The following KIAA1671 variants were observed in gnomAD, a reference collection of about 807,000 sequenced individuals.
The protein encoded by KIAA1671 is uncharacterized protein KIAA1671.
A neutral mutation model predicts 131.2 loss-of-function variants in KIAA1671; 52 were observed. That is an observed-to-expected ratio of 0.40 (90% CI 0.32 to 0.50). KIAA1671 has a LOEUF of 0.50. KIAA1671 is among the 20% of genes least tolerant of loss of function. The pLI, the probability that KIAA1671 is intolerant of heterozygous loss-of-function variation, is 0.73. For synonymous variants in KIAA1671, 1,003 were observed against 961.6 expected (o/e 1.04, Z -0.80); for missense variants, 2,360 against 2,364.2 (o/e 1.00, Z 0.04).
chr22:24,990,050 T>C (rs77216739), intron 1 of KIAA1671, among the ~76,000 whole-genome samples: 69 of 152,256 alleles, frequency 4.5e-4, no homozygotes, highest in African/African-American at 1.6e-3. Flanking sequence ...CCCATCATCA[T>C]TGGGGAAGCA....
intron 6 of KIAA1671, among the ~76,000 whole-genome samples, chr22:25,124,710 T>C (rs1279370908): frequency 3.9e-5 from 6 of 152,118 alleles, no homozygotes; most frequent in Non-Finnish European, 8.8e-5. Flanking sequence ...CAGATTAGAG[T>C]ATGCTATGCT....
chr22:25,006,694 T>G (rs1024182715), intron 1 of KIAA1671, among the ~76,000 whole-genome samples: 35 of 152,220 alleles, frequency 2.3e-4, no homozygotes, highest in Non-Finnish European at 7.3e-5. Flanking sequence ...AGTGTGTCCC[T>G]TCTGAGGCTC....
intron 1 of KIAA1671, among the ~76,000 whole-genome samples, chr22:24,991,623 ATTTT>A (rs34846801): frequency 7.8e-6 from 1 of 128,886 alleles, no homozygotes. Context: ...CGCCCGGCTA[ATTTT>A]TTTTTTTTTT....
chr22:25,159,090 C>G (rs1018472411), intron 6 of KIAA1671, among the ~76,000 whole-genome samples: 1 of 152,112 alleles, frequency 6.6e-6, no homozygotes, highest in South Asian at 2.1e-4. Context: ...GGAACCCTGC[C>G]TCTGAGGCCG....
At chr22:24,973,389 GTTTTTTT>G (rs57519039) in intron 1 of KIAA1671, among the ~76,000 whole-genome samples, 64 of 71,674 alleles carry the variant, frequency 8.9e-4, no homozygotes, top group Middle Eastern at 0.014. Context: ...GCATATGATG[GTTTTTTT>G]TTTTTTTTTT....
At chr22:25,163,999 A>C (rs1933553205) in intron 6 of KIAA1671, among the ~76,000 whole-genome samples, 1 of 152,154 alleles carries the variant, frequency 6.6e-6, no homozygotes, top group South Asian at 2.1e-4. Context: ...TAGGGGGTAC[A>C]TGTTACCCTG....
At chr22:25,172,946 A>G (rs534208621) in intron 7 of KIAA1671, among the ~76,000 whole-genome samples, 1 of 152,266 alleles carries the variant, frequency 6.6e-6, no homozygotes, top group Admixed American at 6.5e-5. Flanking sequence ...GAGGCCAATT[A>G]TATTAGTCTG....
chr22:24,992,612 C>T (rs1296441372), intron 1 of KIAA1671, among the ~76,000 whole-genome samples: 1 of 151,784 alleles, frequency 6.6e-6, no homozygotes, highest in Non-Finnish European at 1.5e-5. Context: ...GTCAGGAGTT[C>T]GAGACCAGCT....
chr22:25,095,727 GC>G (rs368563596), intron 6 of KIAA1671, among the ~76,000 whole-genome samples: 1 of 152,122 alleles, frequency 6.6e-6, no homozygotes, highest in African/African-American at 2.4e-5. Flanking sequence ...TGACTGCTAA[GC>G]CCCCCTAGAT....
At chr22:24,965,039 G>A (rs1051187872) in intron 1 of KIAA1671, among the ~76,000 whole-genome samples, 3 of 151,432 alleles carry the variant, frequency 2.0e-5, no homozygotes, top group African/African-American at 7.3e-5. Flanking sequence ...TTTCTTCCAT[G>A]AGGTCATTGT....
At chr22:24,972,409 C>A (rs1048512532) in intron 1 of KIAA1671, among the ~76,000 whole-genome samples, 1 of 152,180 alleles carries the variant, frequency 6.6e-6, no homozygotes, top group Non-Finnish European at 1.5e-5. Flanking sequence ...ATCCATTCCT[C>A]CATTTTGTAT....
At chr22:25,024,098 A>AG (rs1925811031) in intron 1 of KIAA1671, 1 of 152,252 alleles carries the variant, frequency 6.6e-6, no homozygotes, top group Non-Finnish European at 1.5e-5. Context: ...GATACAAAGC[A>AG]GATGACGGGT....
chr22:25,112,019 T>G, intron 6 of KIAA1671: 1 of 393,020 alleles, frequency 2.5e-6, no homozygotes, highest in Non-Finnish European at 4.5e-6. Flanking sequence ...TACTTACCCT[T>G]GGTTTGCCTG....
chr22:25,028,343 G>A lies in KIAA1671; in HGVS notation c.344G>A (p.Gly115Glu). 1 of 1,550,782 alleles carries A rather than the reference G, an allele frequency of 6.4e-7. No individual in the cohort carries two copies. The highest frequency in any genetic ancestry group is 1.2e-5 in the South Asian group (1 of 84,060). ...GACAACAGGATGCCCGGCTTGGTGG[G>A]GCAGGAGGTGGGCAGTGGGGAGGGC... is the stretch of plus-strand genomic sequence containing the variant. ...DLDNRMPGLVGQEVGSGEGPR... is the reference protein window; with the variant it reads ...DLDNRMPGLVEQEVGSGEGPR... The change falls in exon 3 of 13, where the codon GGG becomes GAG. Residue 115 changes from glycine to glutamate, a missense_variant. Gly to Glu is a moderately conservative substitution (Grantham distance 98). Transcript: ENST00000358431.
At chr22:25,084,436 C>T (rs952416520) in intron 6 of KIAA1671, among the ~76,000 whole-genome samples, 1 of 131,904 alleles carries the variant, frequency 7.6e-6, no homozygotes, top group African/African-American at 3.0e-5. Context: ...CCAGCCTCAG[C>T]GACAGAGCAA....
chr22:25,141,234 G>T (rs1047294984), intron 6 of KIAA1671, among the ~76,000 whole-genome samples: 1 of 151,878 alleles, frequency 6.6e-6, no homozygotes, highest in African/African-American at 2.4e-5. Context: ...TTTTGTTTTT[G>T]TTTTTTGTTT....
In KIAA1671 at chr22:25,028,060, G is replaced by A. The variant is rs1356475665; in HGVS notation, c.61G>A (p.Glu21Lys). 6.5e-6 allele frequency: 10 copies of A among 1,547,034 alleles called. No homozygotes were observed. In the Admixed American group the frequency reaches 2.0e-4, roughly 31 times the overall value. ...CTTGACGGCCGTGCCAGGCCTGGGT[G>A]AGATGGGCAAGGAGGAGACCCTGAC... ...TPLTAVPGLG[E>K]MGKEETLTRT... Residue 21 changes from glutamate to lysine, a missense_variant, in exon 3 of 13, where the codon GAG (glutamate) becomes AAG (lysine). Transcript: ENST00000358431.
chr22:25,106,881 T>TTTTCATCATTATCTATG (rs1931033255), intron 6 of KIAA1671, among the ~76,000 whole-genome samples: 1 of 152,256 alleles, frequency 6.6e-6, no homozygotes, highest in Non-Finnish European at 1.5e-5. Context: ...TTCTTACACC[T>TTTTCATCATTATCTATG]TTTCATCATT....
At position 25,120,721 on chromosome 22, in the gene KIAA1671, C is replaced by T. The variant is rs574575102; in HGVS notation, c.4531-50099C>T. On this transcript the variant is annotated intron_variant, in intron 6 of 12. Coordinates refer to ENST00000358431, the MANE Select transcript of KIAA1671 (RefSeq NM_001145206.2). The stretch of plus-strand genomic sequence containing the variant: ...TGCATTTCCTTCTTGTCTTTTTCCC[C>T]CCTCTTCCAAACAAAATTGCCAACC... Among the ~76,000 whole-genome samples the T allele has an allele frequency of 3.3e-5, 5 of 152,310 alleles. No individual in the cohort carries two copies. The East Asian group carries it at 9.6e-4, about 29-fold the overall frequency.
Sources: gnomAD v4.1 joint callset for allele counts (sites outside exome capture counted in the v4.1 genomes callset) on GRCh38, gnomAD v4.1.1 for gene constraint, MANE v1.5 for transcripts, NCBI Gene and HGNC (gene_info 2026-07-23, HGNC 2026-07-21) for gene names.